Variants in C2orf49 observed in about 807,000 individuals in gnomAD.
C2orf49 encodes the protein tRNA-splicing ligase complex subunit ASW.
A neutral mutation model predicts 20.6 loss-of-function variants in C2orf49; 11 were observed. That is an observed-to-expected ratio of 0.53 (90% CI 0.34 to 0.88). The LOEUF is 0.88. C2orf49 is among the 40% of genes least tolerant of loss of function. The pLI, the probability that C2orf49 is intolerant of heterozygous loss-of-function variation, is 0.02. For missense variants in C2orf49, 289 were observed against 274.2 expected (o/e 1.05, Z -0.38); for synonymous variants, 134 against 108.5 (o/e 1.24, Z -1.46).
At chr2:105,352,085 C>T (rs1679948160), downstream of C2orf49, among the ~76,000 whole-genome samples, 1 of 152,190 alleles carries the variant, frequency 6.6e-6, no homozygotes, top group Non-Finnish European at 1.5e-5. Context: ...AATTGCAGTA[C>T]ACATGTATAG....
chr2:105,344,704 C>T lies in C2orf49; in HGVS notation c.643-611C>T, dbSNP rs531025641. On this transcript the variant is annotated intron_variant, in intron 3 of 3. Coordinates refer to ENST00000258457, the MANE Select transcript of C2orf49 (RefSeq NM_024093.3). ...AAGCAATCCTCCTGCCTCAGCCTCC[C>T]GAGTAGCTAGGATTATAGGCGCCTG... Among the ~76,000 whole-genome samples the T allele has an allele frequency of 2.0e-4, 30 of 151,842 alleles. No individual in the cohort carries two copies. In the East Asian group the frequency reaches 3.1e-3, roughly 16 times the overall value.
the C2orf49 span, among the ~76,000 whole-genome samples, chr2:105,372,152 C>G: frequency 8.5e-5 from 13 of 152,188 alleles, no homozygotes; most frequent in African/African-American, 3.1e-4. Context: ...AATGTAGTGG[C>G]AGTAAGAAAC....
the C2orf49 span, among the ~76,000 whole-genome samples, chr2:105,369,492 G>A: frequency 2.0e-5 from 3 of 152,146 alleles, no homozygotes; most frequent in Non-Finnish European, 4.4e-5. Flanking sequence ...AAATAAGCAG[G>A]GTGTGTGTTG....
At chr2:105,379,025 C>A in the C2orf49 span, among the ~76,000 whole-genome samples, 1 of 152,118 alleles carries the variant, frequency 6.6e-6, no homozygotes, top group African/African-American at 2.4e-5. Context: ...CAAGCGCCCG[C>A]CCCTCTGGGA....
chr2:105,354,230 CA>C, the C2orf49 span, among the ~76,000 whole-genome samples: 1 of 152,222 alleles, frequency 6.6e-6, no homozygotes, highest in African/African-American at 2.4e-5. Flanking sequence ...TGCACCACAG[CA>C]GATATATTTA....
In C2orf49 at chr2:105,347,355, A is replaced by T. The variant is rs1679839971; in HGVS notation, c.*1984A>T. ...ATATTCAGTTGTCCTCTCTGCTTCCATCTGTGTTGCTCTCTTAGTTGAGAG... is the reference window on the plus strand; with the variant it reads ...ATATTCAGTTGTCCTCTCTGCTTCCTTCTGTGTTGCTCTCTTAGTTGAGAG... On this transcript the variant is annotated 3_prime_UTR_variant, in exon 4 of 4. Coordinates refer to ENST00000258457, the MANE Select transcript of C2orf49 (RefSeq NM_024093.3). The T allele has an allele frequency of 6.6e-6, 1 of 152,192 alleles. No homozygotes were observed. The highest frequency in any genetic ancestry group is 1.5e-5 in the Non-Finnish European group (1 of 68,032). The allele number at this position is 152,192 out of a possible 1,614,324, so 9.4% of individuals were successfully genotyped here.
the C2orf49 span, among the ~76,000 whole-genome samples, chr2:105,355,770 T>TTGTGTGTGTG: frequency 9.1e-4 from 130 of 143,200 alleles, no homozygotes; most frequent in Middle Eastern, 7.1e-3. Flanking sequence ...AGAAAAAATT[T>TTGTGTGTGTG]TGTGTGTGTG....
chr2:105,357,769 A>G, the C2orf49 span: 1 of 151,982 alleles, frequency 6.6e-6, no homozygotes, highest in Non-Finnish European at 1.5e-5. Context: ...TGAGGAATCC[A>G]TGGATATGGA....
At chr2:105,367,587 A>G in the C2orf49 span, 1 of 1,614,004 alleles carries the variant, frequency 6.2e-7, no homozygotes, top group Non-Finnish European at 8.5e-7. Context: ...CACTGAACGC[A>G]CTGCATGGCA....
At chr2:105,383,900 A>G in the C2orf49 span, among the ~76,000 whole-genome samples, 1 of 152,252 alleles carries the variant, frequency 6.6e-6, no homozygotes, top group Non-Finnish European at 1.5e-5. Flanking sequence ...CATACAGTGT[A>G]ACCCCACGTA....
the C2orf49 span, chr2:105,378,716 T>C: frequency 1.3e-5 from 2 of 153,134 alleles, no homozygotes; most frequent in Non-Finnish European, 2.9e-5. Context: ...TGAGTGAATA[T>C]GCGTGCAGCA....
chr2:105,359,146 A>T, the C2orf49 span: 13 of 152,286 alleles, frequency 8.5e-5, no homozygotes, highest in Admixed American at 7.8e-4. Flanking sequence ...ATGACTGTTA[A>T]TTTGGAGGAG....
chr2:105,383,083 G>T, the C2orf49 span, among the ~76,000 whole-genome samples: 1 of 152,052 alleles, frequency 6.6e-6, no homozygotes, highest in Non-Finnish European at 1.5e-5. Flanking sequence ...ACGGGGTTTC[G>T]CCATGTTGGC....
the C2orf49 span, among the ~76,000 whole-genome samples, chr2:105,354,843 G>A: frequency 6.6e-6 from 1 of 152,130 alleles, no homozygotes; most frequent in African/African-American, 2.4e-5. Context: ...CAAAGTAGAG[G>A]TAACTAATAC....
rs1162513830 is a variant in C2orf49 at position 105,345,378 on chromosome 2, GT to G, written c.*10del. On this transcript the variant is annotated 3_prime_UTR_variant, in exon 4 of 4. Coordinates refer to ENST00000258457, the MANE Select transcript of C2orf49 (RefSeq NM_024093.3). ...ACATGTTACTTGGCCCTGAAGAAAA[GT>G]TTCCAAAAATGTAAATATACTGTAA... The G allele has an allele frequency of 6.2e-7, 1 of 1,608,922 alleles. No homozygotes were observed. Among genetic ancestry groups the G allele is most frequent in the Non-Finnish European group, 8.5e-7 (1 of 1,177,142 alleles).
chr2:105,376,607 C>T, the C2orf49 span: 1 of 152,158 alleles, frequency 6.6e-6, no homozygotes, highest in Non-Finnish European at 1.5e-5. Context: ...GTGGAAAACA[C>T]CATGGCTGAT....
chr2:105,359,170 G>T, the C2orf49 span: 1 of 151,872 alleles, frequency 6.6e-6, no homozygotes, highest in Non-Finnish European at 1.5e-5. Context: ...TAGTCCAATT[G>T]GAGCTATTTA....
chr2:105,353,762 C>T (rs1431506747), downstream of C2orf49, among the ~76,000 whole-genome samples: 2 of 152,156 alleles, frequency 1.3e-5, no homozygotes, highest in Non-Finnish European at 2.9e-5. Flanking sequence ...TGTAATCTAT[C>T]ATTTAATAAC....
In C2orf49 at chr2:105,345,454, C is replaced by G; in HGVS notation, c.*83C>G. 1 of 1,099,486 alleles carries G rather than the reference C, an allele frequency of 9.1e-7. No homozygotes were observed. The highest frequency in any genetic ancestry group is 2.3e-5 in the Admixed American group (1 of 43,254). 68.1% of individuals were successfully genotyped at this position (1,099,486 alleles called of 1,614,324 possible). A position where few individuals can be genotyped will look rare whatever the true frequency, so the allele number is the denominator to read the frequency against. ...ATATATTGACAATATTTACAGAAAT[C>G]CTGATTATTGTGGAATTTTCTTAAG... On this transcript the variant is annotated 3_prime_UTR_variant, in exon 4 of 4. Transcript: ENST00000258457.
Sources: allele counts gnomAD v4.1 joint callset (sites outside exome capture counted in the v4.1 genomes callset), GRCh38; gene constraint gnomAD v4.1.1; transcripts MANE v1.5; gene names NCBI Gene and HGNC (gene_info 2026-07-23, HGNC 2026-07-21).